Variants in ULK4 observed in about 807,000 individuals in gnomAD.
ULK4 encodes the protein unc-51 like kinase 4.
ULK4 carries 133 observed loss-of-function variants against 160.6 expected under a neutral mutation model. The ratio of observed to expected loss-of-function variants is 0.83; its 90% confidence interval spans 0.72 to 0.96. The LOEUF (loss-of-function observed/expected upper bound fraction) is 0.96, where lower values mean the gene tolerates loss of function less well. Among genes scored for constraint, ULK4 ranks in the 40% least tolerant of loss-of-function variants. ULK4 has a pLI of 0.00. For synonymous variants in ULK4, 534 were observed against 539.8 expected, an observed-to-expected ratio of 0.99 and a Z score of 0.15; for missense variants, 1,580 against 1,499.5, an observed-to-expected ratio of 1.05 and a Z score of -0.89.
chr3:41,288,736 C>T (rs1441900644), intron 35 of ULK4, among the ~76,000 whole-genome samples: 2 of 152,178 alleles, frequency 1.3e-5, no homozygotes, highest in African/African-American at 4.8e-5. Flanking sequence ...CCTAAGAATA[C>T]TTTGAGGGAC....
intron 31 of ULK4, among the ~76,000 whole-genome samples, chr3:41,596,318 G>A (rs1378410234): frequency 6.6e-6 from 1 of 152,190 alleles, no homozygotes; most frequent in Non-Finnish European, 1.5e-5. Context: ...TGGTATAATT[G>A]TGTATTTTTC....
Position 41,696,168 on chromosome 3 carries a change from GAC to G in ULK4, c.2781+8887_2781+8888del, listed in dbSNP as rs1227324636. ...CTCCTCCACCTCTTGTGGAAGGCCT[GAC>G]ATGAGTCAGGCCCACCCGCAGTTAT... On this transcript the variant is annotated intron_variant, in intron 27 of 36. Transcript: ENST00000301831. Among the ~76,000 whole-genome samples the G allele has an allele frequency of 3.0e-3, 459 of 152,308 alleles. 8 individuals carry two copies. The South Asian group carries it at 0.042, about 14-fold the overall frequency.
chr3:41,595,677 A>C (rs1463890794), intron 31 of ULK4, among the ~76,000 whole-genome samples: 1 of 152,184 alleles, frequency 6.6e-6, no homozygotes, highest in African/African-American at 2.4e-5. Context: ...ATGTCTCAAC[A>C]AGTGAGGGTG....
chr3:41,916,542 CCAT>C (rs1698971123), intron 7 of ULK4, among the ~76,000 whole-genome samples: 1 of 150,998 alleles, frequency 6.6e-6, no homozygotes, highest in Non-Finnish European at 1.5e-5. Context: ...GCATGCACTA[CCAT>C]GCCTGACTAA....
At chr3:41,699,662 C>T (rs899415699) in intron 27 of ULK4, among the ~76,000 whole-genome samples, 2 of 152,214 alleles carry the variant, frequency 1.3e-5, no homozygotes, top group Non-Finnish European at 2.9e-5. Flanking sequence ...CATTTAGCCA[C>T]TTCCATACAA....
chr3:41,419,730 G>A (rs184372156), intron 34 of ULK4, among the ~76,000 whole-genome samples: 8 of 152,240 alleles, frequency 5.3e-5, no homozygotes, highest in Non-Finnish European at 1.2e-4. Flanking sequence ...GTGAAGGCCC[G>A]GGGGTACGTG....
At chr3:41,875,374 A>T (rs75092312) in intron 17 of ULK4, among the ~76,000 whole-genome samples, 366 of 152,272 alleles carry the variant, frequency 2.4e-3, no homozygotes, top group African/African-American at 7.9e-3. Flanking sequence ...CACCTGGTAC[A>T]CAGCAAGCAT....
intron 35 of ULK4, among the ~76,000 whole-genome samples, chr3:41,371,793 G>A (rs143356518): frequency 6.6e-6 from 1 of 152,000 alleles, no homozygotes; most frequent in Admixed American, 6.6e-5. Context: ...TGGAGAACGA[G>A]TTTGATGAAT....
intron 20 of ULK4, among the ~76,000 whole-genome samples, chr3:41,792,512 T>C (rs75164939): frequency 0.043 from 6,543 of 152,180 alleles, 440 homozygotes; most frequent in African/African-American, 0.15. Flanking sequence ...TAAGTCTCAT[T>C]AGCACTATAA....
chr3:41,546,950 A>G (rs1216310375), intron 32 of ULK4, among the ~76,000 whole-genome samples: 1 of 152,084 alleles, frequency 6.6e-6, no homozygotes, highest in Non-Finnish European at 1.5e-5. Context: ...CCTTGATGTA[A>G]TTAGTAGTTT....
rs151223193 is a variant in ULK4, at chr3:41,265,652, T to C, written c.3679-16078A>G. ...ATTTTTGTTGAGGGACTTGATCAAATACCGACTCCATTTGGAAACATTTTA... is the reference window on the plus strand; with the variant it reads ...ATTTTTGTTGAGGGACTTGATCAAACACCGACTCCATTTGGAAACATTTTA... On this transcript the variant is annotated intron_variant, in intron 35 of 36. Coordinates refer to ENST00000301831, the MANE Select transcript of ULK4 (RefSeq NM_017886.4). 7.2e-3 allele frequency among the ~76,000 whole-genome samples: 1,098 copies of C among 152,294 alleles called. 14 individuals carry two copies. The highest frequency in any genetic ancestry group is 0.025 in the African/African-American group (1,029 of 41,572).
At chr3:41,436,638 G>A (rs1183924125) in intron 34 of ULK4, among the ~76,000 whole-genome samples, 1 of 152,136 alleles carries the variant, frequency 6.6e-6, no homozygotes, top group Admixed American at 6.5e-5. Context: ...AGCTGTACTG[G>A]GTTATTGGAC....
chr3:41,655,216 T>C (rs1239806428), intron 30 of ULK4, among the ~76,000 whole-genome samples: 1 of 152,012 alleles, frequency 6.6e-6, no homozygotes, highest in East Asian at 1.9e-4. Flanking sequence ...GATGAGTTCA[T>C]GTCCTTTGCA....
chr3:41,386,516 A>G (rs893253772), intron 35 of ULK4, among the ~76,000 whole-genome samples: 1 of 152,168 alleles, frequency 6.6e-6, no homozygotes, highest in Non-Finnish European at 1.5e-5. Flanking sequence ...TCACTTGAGT[A>G]TAAGAACAGA....
At chr3:41,822,310 T>C (rs2041171807) in intron 18 of ULK4, among the ~76,000 whole-genome samples, 1 of 152,186 alleles carries the variant, frequency 6.6e-6, no homozygotes, top group Admixed American at 6.5e-5. Flanking sequence ...CTCTTCTTAA[T>C]AACGGCCGTA....
At chr3:41,880,756 T>G (rs1443572638) in intron 17 of ULK4, among the ~76,000 whole-genome samples, 1 of 152,064 alleles carries the variant, frequency 6.6e-6, no homozygotes, top group African/African-American at 2.4e-5. Flanking sequence ...AAACCGTGTC[T>G]CTACTAAAAA....
chr3:41,604,296 G>A (rs1003165026), intron 31 of ULK4, among the ~76,000 whole-genome samples: 7 of 152,016 alleles, frequency 4.6e-5, no homozygotes, highest in African/African-American at 1.7e-4. Context: ...TTGCAAGAGT[G>A]GGACTTTATG....
intron 32 of ULK4, among the ~76,000 whole-genome samples, chr3:41,479,233 A>G (rs2084237275): frequency 6.6e-6 from 1 of 152,200 alleles, no homozygotes; most frequent in South Asian, 2.1e-4. Flanking sequence ...CCTGTCATCT[A>G]CTTCTGAGAT....
intron 30 of ULK4, among the ~76,000 whole-genome samples, chr3:41,628,774 T>C (rs1189913291): frequency 1.3e-5 from 2 of 152,244 alleles, no homozygotes; most frequent in South Asian, 2.1e-4. Flanking sequence ...AACCGTTCTA[T>C]GGCTATGTAA....
Sources: allele counts gnomAD v4.1 joint callset (sites outside exome capture counted in the v4.1 genomes callset), GRCh38; gene constraint gnomAD v4.1.1; transcripts MANE v1.5; gene names NCBI Gene and HGNC (gene_info 2026-07-23, HGNC 2026-07-21).